The following TYW1B variants were observed in gnomAD, a reference collection of about 807,000 sequenced individuals.
TYW1B encodes the protein S-adenosyl-L-methionine-dependent tRNA 4-demethylwyosine synthase TYW1B.
Under a neutral mutation model 86.9 loss-of-function variants are expected in TYW1B, and 73 were observed. The observed-to-expected ratio is 0.84, with a 90% CI of 0.70 to 1.02. TYW1B has a LOEUF of 1.02. Among genes scored for constraint, TYW1B ranks in the 50% least tolerant of loss-of-function variants. The pLI is 0.00. For missense variants in TYW1B, 637 were observed against 827.4 expected (o/e 0.77, Z 2.82); for synonymous variants, 248 against 292.8 (o/e 0.85, Z 1.56).
intron 7 of TYW1B, among the ~76,000 whole-genome samples, chr7:72,749,912 GTTTTTT>G (rs35656387): frequency 1.7e-5 from 2 of 119,008 alleles, no homozygotes; most frequent in Admixed American, 1.9e-4. Context: ...GGTTTTTTTT[GTTTTTT>G]TTTTTTTTTT....
chr7:72,723,399 T>A (rs1786940697), intron 9 of TYW1B, among the ~76,000 whole-genome samples: 1 of 152,130 alleles, frequency 6.6e-6, no homozygotes, highest in Non-Finnish European at 1.5e-5. Flanking sequence ...AATTGCCATT[T>A]ATACAAGAAA....
chr7:72,663,600 T>C lies in TYW1B; in HGVS notation c.1506+31087A>G, dbSNP rs1346955384. On this transcript the variant is annotated intron_variant, in intron 11 of 13. Transcript: ENST00000620995. Reference sequence around the variant, plus strand: ...AGTGAAACCCCGTCTTTACTAAATATATATATATAAAAAATTAGCCGGGCG... The same window carrying C: ...AGTGAAACCCCGTCTTTACTAAATACATATATATAAAAAATTAGCCGGGCG... Among the ~76,000 whole-genome samples the C allele has an allele frequency of 2.0e-5, 3 of 151,502 alleles. No homozygotes were observed. In the East Asian group the frequency reaches 5.9e-4, roughly 30 times the overall value.
At chr7:72,749,908 T>G (rs905936850) in intron 7 of TYW1B, among the ~76,000 whole-genome samples, 11 of 93,860 alleles carry the variant, frequency 1.2e-4, no homozygotes, top group Non-Finnish European at 7.2e-5. Flanking sequence ...TGTTGGTTTT[T>G]TTTGTTTTTT....
At chr7:72,788,815 G>A (rs1315148728) in intron 6 of TYW1B, among the ~76,000 whole-genome samples, 1 of 151,838 alleles carries the variant, frequency 6.6e-6, no homozygotes, top group Admixed American at 6.6e-5. Context: ...TTACAGGTGT[G>A]AGCCATCATG....
chr7:72,626,477 C>T (rs1294637987), intron 12 of TYW1B, among the ~76,000 whole-genome samples: 1 of 152,080 alleles, frequency 6.6e-6, no homozygotes, highest in African/African-American at 2.4e-5. Flanking sequence ...AACCTATGAT[C>T]TATTTAAACT....
intron 4 of TYW1B, among the ~76,000 whole-genome samples, chr7:72,809,926 G>A (rs1324943072): frequency 6.6e-6 from 1 of 151,554 alleles, no homozygotes; most frequent in African/African-American, 2.4e-5. Context: ...CTTGAACGCA[G>A]GAGGCGGAGG....
rs555648839 is a variant in TYW1B, at chr7:72,699,609, T to TAGAATCTG, written c.1371-4795_1371-4788dup. ...GTTGGGAGACATACTTACCTCAAAG[T>TAGAATCTG]AGAATCTGACTTACAAAGCTGTTTG... is the stretch of plus-strand genomic sequence containing the variant. On this transcript the variant is annotated intron_variant, in intron 10 of 13. Transcript: ENST00000620995. Among the ~76,000 whole-genome samples, 366 of 152,266 alleles carry TAGAATCTG rather than the reference T, an allele frequency of 2.4e-3. 2 individuals are homozygous for TAGAATCTG. Among genetic ancestry groups the TAGAATCTG allele is most frequent in the African/African-American group, 8.6e-3 (359 of 41,572 alleles).
chr7:72,588,226 C>A (rs1296656513), intron 13 of TYW1B, among the ~76,000 whole-genome samples: 2 of 152,216 alleles, frequency 1.3e-5, no homozygotes, highest in Admixed American at 6.5e-5. Flanking sequence ...TAGCCAAGTG[C>A]AATTCTAAAA....
At chr7:72,817,898 T>C (rs548743833) in intron 2 of TYW1B, among the ~76,000 whole-genome samples, 80 of 152,162 alleles carry the variant, frequency 5.3e-4, no homozygotes, top group African/African-American at 1.9e-3. Context: ...TTACACCCTC[T>C]GCAAATAAAG....
intron 11 of TYW1B, among the ~76,000 whole-genome samples, chr7:72,681,842 C>T (rs1813882390): frequency 6.6e-6 from 1 of 151,828 alleles, no homozygotes; most frequent in South Asian, 2.1e-4. Context: ...ACCTCAGTCT[C>T]CCAAAGTGCC....
At chr7:72,712,311 A>T (rs1241935802) in intron 10 of TYW1B, among the ~76,000 whole-genome samples, 1 of 152,114 alleles carries the variant, frequency 6.6e-6, no homozygotes, top group Admixed American at 6.6e-5. Context: ...TTTGCCAATC[A>T]TACCTAGCAA....
intron 6 of TYW1B, among the ~76,000 whole-genome samples, chr7:72,793,283 G>C (rs1357182912): frequency 2.0e-5 from 3 of 151,794 alleles, no homozygotes; most frequent in Non-Finnish European, 4.4e-5. Context: ...GTTGCAGTGA[G>C]CTGAGATCGC....
chr7:72,683,250 A>C (rs1198168517), intron 11 of TYW1B, among the ~76,000 whole-genome samples: 2 of 152,182 alleles, frequency 1.3e-5, no homozygotes, highest in African/African-American at 4.8e-5. Flanking sequence ...TGAAGTTCAC[A>C]GTCCAGGGGT....
chr7:72,791,770 C>A (rs1289788338), intron 6 of TYW1B, among the ~76,000 whole-genome samples: 1 of 152,098 alleles, frequency 6.6e-6, no homozygotes, highest in African/African-American at 2.4e-5. Context: ...AGAAAGACTC[C>A]GTCTTAAACA....
At chr7:72,742,513 T>A (rs1328026129) in intron 8 of TYW1B, among the ~76,000 whole-genome samples, 1 of 152,178 alleles carries the variant, frequency 6.6e-6, no homozygotes, top group East Asian at 1.9e-4. Context: ...TAAATCTATG[T>A]TAATGGGCAT....
chr7:72,767,457 A>C (rs1238077056), intron 7 of TYW1B, among the ~76,000 whole-genome samples: 2 of 151,868 alleles, frequency 1.3e-5, no homozygotes, highest in Admixed American at 1.3e-4. Context: ...TACAAAAAAA[A>C]AAATTAGCCG....
chr7:72,731,532 T>A (rs1340935911), intron 8 of TYW1B, among the ~76,000 whole-genome samples: 2 of 152,026 alleles, frequency 1.3e-5, no homozygotes, highest in African/African-American at 2.4e-5. Flanking sequence ...ATAAACTGGC[T>A]GAATGAATTT....
At position 72,705,017 on chromosome 7, in the gene TYW1B, C is replaced by T. The variant is rs183669738; in HGVS notation, c.1370+8604G>A. The stretch of plus-strand genomic sequence containing the variant: ...AGTGCAAACAAGATAGGCTGGGGGG[C>T]GGGGAACTTCTATTGAAAGAATCAG... On this transcript the variant is annotated intron_variant, in intron 10 of 13. Transcript: ENST00000620995. 4.0e-5 allele frequency among the ~76,000 whole-genome samples: 6 copies of T among 151,818 alleles called. No homozygotes were observed. In the East Asian group the frequency reaches 5.8e-4, roughly 15 times the overall value.
At chr7:72,607,193 G>C (rs1811820229) in intron 13 of TYW1B, among the ~76,000 whole-genome samples, 2 of 151,996 alleles carry the variant, frequency 1.3e-5, no homozygotes, top group Admixed American at 1.3e-4. Context: ...AAGAGTTCAA[G>C]ACCAGCCTGG....
Sources: allele counts gnomAD v4.1 joint callset (sites outside exome capture counted in the v4.1 genomes callset), GRCh38; gene constraint gnomAD v4.1.1; transcripts MANE v1.5; gene names NCBI Gene and HGNC (gene_info 2026-07-23, HGNC 2026-07-21).